ZNF536: variants seen among roughly 807,000 people sequenced by gnomAD.
The protein encoded by ZNF536 is zinc finger protein 536.
ZNF536 carries 13 observed loss-of-function variants against 84.5 expected under a neutral mutation model. The ratio of observed to expected loss-of-function variants is 0.15; its 90% CI spans 0.10 to 0.24. The LOEUF (loss-of-function observed/expected upper bound fraction) is 0.24. ZNF536 is among the 10% of genes least tolerant of loss of function. The pLI, the probability that ZNF536 is intolerant of heterozygous loss-of-function variation, is 1.00. For missense variants in ZNF536, 1,536 were observed against 1,747.5 expected, an observed-to-expected ratio of 0.88 and a Z score of 2.16; for synonymous variants, 811 against 742.5, an observed-to-expected ratio of 1.09 and a Z score of -1.50.
chr19:30,428,222 C>T lies in ZNF536; in HGVS notation c.-2-15339C>T, dbSNP rs573737371. Among the ~76,000 whole-genome samples, 39 of 152,232 alleles carry T rather than the reference C, an allele frequency of 2.6e-4. 2 individuals carry two copies. In the Middle Eastern group the frequency reaches 0.01, roughly 40 times the overall value. On this transcript the variant is annotated intron_variant, in intron 1 of 4. Coordinates refer to ENST00000355537, the MANE Select transcript of ZNF536 (RefSeq NM_014717.3). ...GGGTGATTGCAGGCCTGATAGAGGC[C>T]GCATCAACATGCAGATGGTGACAGG...
intron 2 of ZNF536, among the ~76,000 whole-genome samples, chr19:30,460,498 C>T (rs1424177653): frequency 2.0e-5 from 3 of 152,186 alleles, no homozygotes; most frequent in Admixed American, 2.0e-4. Flanking sequence ...TCCTCTCATT[C>T]TCCCATCACA....
chr19:30,393,105 G>C, intron 1 of ZNF536, among the ~76,000 whole-genome samples: 1 of 152,164 alleles, frequency 6.6e-6, no homozygotes, highest in East Asian at 1.9e-4. Context: ...AAGATGCTGA[G>C]GAACAAGAAC....
rs776280886 is a variant in ZNF536 at position 30,695,496 on chromosome 19, C to G, written c.170-15261C>G. 2.0e-5 allele frequency among the ~76,000 whole-genome samples: 3 copies of G among 152,128 alleles called. No homozygotes were observed. The East Asian group carries it at 5.8e-4, about 29-fold the overall frequency. ...GCTCTGCAGACTGGGTCCTGAGAAC[C>G]GCTTCTAGGAGGAGTTGGGGCTTTG... On this transcript the variant is annotated intron_variant, in intron 1 of 1. Coordinates refer to the ZNF536 transcript ENST00000592773.
chr19:30,582,790 T>A (rs2046968414), intron 1 of ZNF536, among the ~76,000 whole-genome samples: 1 of 151,968 alleles, frequency 6.6e-6, no homozygotes, highest in Non-Finnish European at 1.5e-5. Flanking sequence ...CATAGAACCA[T>A]CAGATGTCGT....
At chr19:30,604,827 C>T (rs1157161346) in intron 1 of ZNF536, among the ~76,000 whole-genome samples, 6 of 152,144 alleles carry the variant, frequency 3.9e-5, no homozygotes, top group South Asian at 2.1e-4. Flanking sequence ...ACAGCAAGCT[C>T]GGGGCAGAGT....
At chr19:30,451,340 C>T (rs970917698) in intron 2 of ZNF536, among the ~76,000 whole-genome samples, 1 of 152,264 alleles carries the variant, frequency 6.6e-6, no homozygotes, top group African/African-American at 2.4e-5. Flanking sequence ...GAGCCGGATG[C>T]CTACCAGCAG....
At chr19:30,620,987 G>A (rs1311310009) in intron 1 of ZNF536, among the ~76,000 whole-genome samples, 2 of 151,878 alleles carry the variant, frequency 1.3e-5, no homozygotes, top group African/African-American at 2.4e-5. Context: ...AAAAGGAAGG[G>A]GCTTCTAATC....
chr19:30,238,556 A>G (rs2023712228), intron 1 of ZNF536, among the ~76,000 whole-genome samples: 2 of 152,050 alleles, frequency 1.3e-5, no homozygotes, highest in South Asian at 4.1e-4. Context: ...TCTTTTCCCT[A>G]CAGCCAAAGC....
chr19:30,368,150 C>T (rs1184458864), upstream of ZNF536, among the ~76,000 whole-genome samples: 2 of 152,190 alleles, frequency 1.3e-5, no homozygotes, highest in Non-Finnish European at 2.9e-5. Flanking sequence ...CATATACTCC[C>T]CCACTCTCTG....
chr19:30,545,962 C>G (rs1334833999), intron 3 of ZNF536, among the ~76,000 whole-genome samples: 1 of 152,250 alleles, frequency 6.6e-6, no homozygotes, highest in African/African-American at 2.4e-5. Context: ...CCTCTGCAGG[C>G]TTTCATCGCC....
chr19:30,659,752 A>G (rs1050662763), intron 1 of ZNF536, among the ~76,000 whole-genome samples: 3 of 152,216 alleles, frequency 2.0e-5, no homozygotes, highest in African/African-American at 7.2e-5. Flanking sequence ...ACCTGGCTCC[A>G]CCAGATTATT....
At chr19:30,355,055 A>G (rs2048048073) in intron 3 of ZNF536, among the ~76,000 whole-genome samples, 2 of 152,148 alleles carry the variant, frequency 1.3e-5, no homozygotes, top group South Asian at 4.1e-4. Context: ...CCTGTTTTTG[A>G]TGCTGTAAAG....
intron 1 of ZNF536, among the ~76,000 whole-genome samples, chr19:30,439,138 C>T (rs2051890575): frequency 6.6e-6 from 1 of 152,022 alleles, no homozygotes; most frequent in Admixed American, 6.6e-5. Flanking sequence ...CCCCACCCTT[C>T]CCTCAACACA....
At chr19:30,614,267 T>C (rs2147075759) in intron 1 of ZNF536, among the ~76,000 whole-genome samples, 1 of 152,330 alleles carries the variant, frequency 6.6e-6, no homozygotes, top group East Asian at 1.9e-4. Flanking sequence ...TTGCTTTTAA[T>C]GGCAAAATTA....
chr19:30,546,906 T>C (rs1040524386), intron 3 of ZNF536, among the ~76,000 whole-genome samples: 2 of 152,030 alleles, frequency 1.3e-5, no homozygotes, highest in African/African-American at 4.8e-5. Flanking sequence ...TCCCCTTCTC[T>C]ATCCCACAAT....
chr19:30,655,589 G>A (rs1396691001), intron 1 of ZNF536, among the ~76,000 whole-genome samples: 1 of 152,228 alleles, frequency 6.6e-6, no homozygotes, highest in African/African-American at 2.4e-5. Context: ...ACATGGGTGG[G>A]AAGGGAATGA....
intron 2 of ZNF536, among the ~76,000 whole-genome samples, chr19:30,464,286 G>T (rs2053285999): frequency 6.6e-6 from 1 of 152,284 alleles, no homozygotes; most frequent in South Asian, 2.1e-4. Flanking sequence ...CCACAAGGCA[G>T]GGATTTCAGA....
At chr19:30,602,300 C>T (rs1224691961) in intron 1 of ZNF536, among the ~76,000 whole-genome samples, 1 of 152,152 alleles carries the variant, frequency 6.6e-6, no homozygotes, top group Non-Finnish European at 1.5e-5. Context: ...TTCAACAAGG[C>T]TTTATGGAGT....
chr19:30,225,750 T>TG (rs1283885691), upstream of ZNF536, among the ~76,000 whole-genome samples: 3 of 17,020 alleles, frequency 1.8e-4, no homozygotes, highest in Non-Finnish European at 3.4e-4. Context: ...CGGCGGCGGG[T>TG]GGGGGGGCAG....
Sources: allele counts gnomAD v4.1 joint callset (sites outside exome capture counted in the v4.1 genomes callset), GRCh38; gene constraint gnomAD v4.1.1; transcripts MANE v1.5; gene names NCBI Gene and HGNC (gene_info 2026-07-23, HGNC 2026-07-21).